The following CDC14B variants were observed in gnomAD, a reference collection of about 807,000 sequenced individuals.
CDC14B encodes the protein dual specificity protein phosphatase CDC14B.
CDC14B carries 22 observed loss-of-function variants against 64.2 expected under a neutral mutation model. That is an observed-to-expected ratio of 0.34 (90% confidence interval 0.24 to 0.49). The LOEUF is 0.49. Among genes scored for constraint, CDC14B ranks in the 20% least tolerant of loss-of-function variants. The pLI is 0.99. For missense variants in CDC14B, 498 were observed against 629.9 expected (o/e 0.79, Z 2.24); for synonymous variants, 191 against 215.8 (o/e 0.89, Z 1.01).
chr9:96,604,342 T>TTTATTATTATTA (rs148185898), intron 1 of CDC14B, among the ~76,000 whole-genome samples: 1 of 131,862 alleles, frequency 7.6e-6, no homozygotes, highest in African/African-American at 3.1e-5. Context: ...GAAGCTTGCA[T>TTTATTATTATTA]TTATTATTAT....
intron 1 of CDC14B, among the ~76,000 whole-genome samples, chr9:96,573,654 ATG>A (rs1013007820): frequency 8.5e-5 from 13 of 152,252 alleles, no homozygotes; most frequent in African/African-American, 2.7e-4. Flanking sequence ...AAGGAATTAA[ATG>A]TAATAAATTT....
At chr9:96,610,940 T>A (rs1300501910) in intron 1 of CDC14B, among the ~76,000 whole-genome samples, 1 of 152,108 alleles carries the variant, frequency 6.6e-6, no homozygotes, top group Non-Finnish European at 1.5e-5. Context: ...CTGAATCTGC[T>A]ACCTAAGATT....
At chr9:96,533,464 A>G (rs759031191) in intron 9 of CDC14B, among the ~76,000 whole-genome samples, 1 of 152,230 alleles carries the variant, frequency 6.6e-6, no homozygotes, top group Non-Finnish European at 1.5e-5. Context: ...TTTTTGTAAC[A>G]AAACTATATT....
At chr9:96,601,793 CGAA>C (rs1846486044) in intron 1 of CDC14B, among the ~76,000 whole-genome samples, 1 of 106,344 alleles carries the variant, frequency 9.4e-6, no homozygotes, top group African/African-American at 4.4e-5. Flanking sequence ...GACGCTGTCT[CGAA>C]AAAAAAAAAA....
At chr9:96,608,974 C>CAT (rs893167274) in intron 1 of CDC14B, among the ~76,000 whole-genome samples, 44 of 151,388 alleles carry the variant, frequency 2.9e-4, no homozygotes, top group African/African-American at 1.0e-3. Flanking sequence ...AAAAATTATT[C>CAT]ATATATATAT....
chr9:96,547,536 T>C (rs1329157476), intron 5 of CDC14B, among the ~76,000 whole-genome samples: 1 of 151,780 alleles, frequency 6.6e-6, no homozygotes, highest in African/African-American at 2.4e-5. Context: ...GAAAGCTCAC[T>C]GAAGCCTCCT....
Position 96,619,402 on chromosome 9 carries a change from G to C in CDC14B, c.-24C>G. 2.6e-6 allele frequency: 3 copies of C among 1,168,220 alleles called. No homozygotes were observed. Among genetic ancestry groups the C allele is most frequent in the Non-Finnish European group, 3.2e-6 (3 of 948,100 alleles). 72.4% of individuals were successfully genotyped at this position (1,168,220 alleles called of 1,614,324 possible). On this transcript the variant is annotated 5_prime_UTR_variant, in exon 1 of 14. Coordinates refer to ENST00000375241, the MANE Select transcript of CDC14B (RefSeq NM_033331.4). ...ATGGAGGCGGCCGCGGCCCGTCAGG[G>C]GGCCACGACCATGGCCCCGCGCGCC...
At chr9:96,575,678 A>C (rs1440088893) in intron 1 of CDC14B, among the ~76,000 whole-genome samples, 2 of 152,212 alleles carry the variant, frequency 1.3e-5, no homozygotes, top group African/African-American at 4.8e-5. Context: ...CTGTTAAAAG[A>C]CAAGATTTTC....
downstream of CDC14B, among the ~76,000 whole-genome samples, chr9:96,496,001 C>A (rs1308417424): frequency 6.6e-6 from 1 of 152,172 alleles, no homozygotes; most frequent in Non-Finnish European, 1.5e-5. Flanking sequence ...GATGGAGGGG[C>A]CTCAGCTTCC....
intron 4 of CDC14B, among the ~76,000 whole-genome samples, chr9:96,560,538 A>T (rs1419469393): frequency 6.8e-6 from 1 of 148,090 alleles, no homozygotes; most frequent in Non-Finnish European, 1.5e-5. Flanking sequence ...CCACTTCTCC[A>T]TACTCTTTTT....
At chr9:96,494,590 A>C (rs1833169345) in intron 13 of CDC14B, among the ~76,000 whole-genome samples, 1 of 152,116 alleles carries the variant, frequency 6.6e-6, no homozygotes. Context: ...AGATGACAGG[A>C]ATTTCCCAAA....
At chr9:96,504,571 G>T (rs1000393197) in intron 13 of CDC14B, among the ~76,000 whole-genome samples, 9 of 152,182 alleles carry the variant, frequency 5.9e-5, no homozygotes, top group African/African-American at 2.2e-4. Flanking sequence ...GAGACAAGTG[G>T]GAAAATATCT....
At chr9:96,538,363 C>T (rs1839574113) in intron 7 of CDC14B, among the ~76,000 whole-genome samples, 1 of 152,016 alleles carries the variant, frequency 6.6e-6, no homozygotes, top group Non-Finnish European at 1.5e-5. Context: ...CTTTTTTTCA[C>T]TCTATACACG....
intron 5 of CDC14B, among the ~76,000 whole-genome samples, chr9:96,549,910 C>T (rs1294273293): frequency 6.6e-6 from 1 of 152,308 alleles, no homozygotes; most frequent in African/African-American, 2.4e-5. Flanking sequence ...TTTAAATTAA[C>T]TCAAAACGTC....
intron 1 of CDC14B, among the ~76,000 whole-genome samples, chr9:96,610,081 T>C (rs1248661884): frequency 6.7e-6 from 1 of 149,970 alleles, no homozygotes; most frequent in Non-Finnish European, 1.5e-5. Context: ...TTGTTTTAAA[T>C]TGGAAAGATA....
chr9:96,592,827 T>C (rs912230626), intron 1 of CDC14B, among the ~76,000 whole-genome samples: 1 of 152,166 alleles, frequency 6.6e-6, no homozygotes, highest in African/African-American at 2.4e-5. Context: ...TAAAGTCTTA[T>C]TTATAAGGGC....
At chr9:96,587,293 C>A (rs1278934401) in intron 1 of CDC14B, among the ~76,000 whole-genome samples, 2 of 152,232 alleles carry the variant, frequency 1.3e-5, no homozygotes, top group Admixed American at 1.3e-4. Context: ...TCTGCTCTGT[C>A]TAATACAGGA....
In CDC14B at chr9:96,523,239, G is replaced by A. The variant is rs777465517; in HGVS notation, c.1245+22C>T. 3.2e-5 allele frequency: 51 copies of A among 1,612,304 alleles called. 1 individual carries two copies. The highest frequency in any genetic ancestry group is 1.7e-4 in the Middle Eastern group (1 of 5,722). The stretch of plus-strand genomic sequence containing the variant: ...TAGCAGTTAAAGCAGTAACAACATC[G>A]CAACAGAAACGGCTTGATTACCGGT... On this transcript the variant is annotated intron_variant, in intron 11 of 13. Coordinates refer to ENST00000375241, the MANE Select transcript of CDC14B (RefSeq NM_033331.4).
At chr9:96,496,401 C>T, downstream of CDC14B, 1 of 480,762 alleles carries the variant, frequency 2.1e-6, no homozygotes, top group Non-Finnish European at 4.1e-6. Context: ...CTTACCACCA[C>T]CACCACCACC....
Sources: allele counts gnomAD v4.1 joint callset (sites outside exome capture counted in the v4.1 genomes callset), GRCh38; gene constraint gnomAD v4.1.1; transcripts MANE v1.5; gene names NCBI Gene and HGNC (gene_info 2026-07-23, HGNC 2026-07-21).